APPBP2: variants seen among roughly 807,000 people sequenced by gnomAD.
APPBP2 encodes the protein amyloid protein-binding protein 2.
A neutral mutation model predicts 76.0 loss-of-function variants in APPBP2; 15 were observed. The observed-to-expected ratio is 0.20, with a 90% CI of 0.13 to 0.30. The LOEUF is 0.30. Ranked by LOEUF, APPBP2 falls within the 10% of genes least tolerant of loss-of-function variation. The probability of loss-of-function intolerance (pLI) is 1.00; values close to 1 mark genes in which losing one functional copy is unlikely to be tolerated. For synonymous variants in APPBP2, 222 were observed against 242.2 expected, an observed-to-expected ratio of 0.92 and a Z score of 0.77; for missense variants, 401 against 687.2, an observed-to-expected ratio of 0.58 and a Z score of 4.66.
chr17:60,525,653 TGCAGACACC>T, intron 1 of APPBP2, 132 bp downstream of exon 1: 1 of 1,319,136 alleles, frequency 7.6e-7, no homozygotes, highest in Non-Finnish European at 1.0e-6. Flanking sequence ...CCACTGGCAA[TGCAGACACC>T]GCACCAGACG....
intron 1 of APPBP2, chr17:60,513,409 T>C: frequency 1.5e-6 from 1 of 670,140 alleles, no homozygotes; most frequent in South Asian, 1.6e-5. Context: ...TGTGATCACC[T>C]ATCGGGATTC....
intron 5 of APPBP2, among the ~76,000 whole-genome samples, chr17:60,464,522 TTG>T (rs2090497169): frequency 6.6e-6 from 1 of 152,234 alleles, no homozygotes; most frequent in African/African-American, 2.4e-5. Context: ...TATGTCTGAA[TTG>T]TCTGTTTAGT....
rs907768496 is a variant in APPBP2 at position 60,486,580 on chromosome 17, C to T, written c.380-7309G>A. ...TCTCCATCCCTTTATTTTGAGCCTACGTGTGTCTCTGCATGTGAGATGGGT... is the reference window on the plus strand; with the variant it reads ...TCTCCATCCCTTTATTTTGAGCCTATGTGTGTCTCTGCATGTGAGATGGGT... On this transcript the variant is annotated intron_variant, in intron 3 of 12. Transcript: ENST00000083182. Among the ~76,000 whole-genome samples, 17 of 152,170 alleles carry T rather than the reference C, an allele frequency of 1.1e-4. No homozygotes were observed. The South Asian group carries it at 1.7e-3, about 15-fold the overall frequency.
chr17:60,467,846 G>C (rs2090522933), intron 4 of APPBP2, among the ~76,000 whole-genome samples: 2 of 152,080 alleles, frequency 1.3e-5, no homozygotes, highest in African/African-American at 4.8e-5. Flanking sequence ...CCCTGAGAAG[G>C]GATGGGGGGA....
intron 5 of APPBP2, chr17:60,464,638 G>C (rs970751716): frequency 1.3e-5 from 2 of 152,746 alleles, no homozygotes; most frequent in African/African-American, 2.4e-5. Flanking sequence ...AGGGGAAACA[G>C]GTGTAGAGAG....
At chr17:60,494,989 T>G (rs570879120) in intron 2 of APPBP2, among the ~76,000 whole-genome samples, 2,912 of 127,350 alleles carry the variant, frequency 0.023, 39 homozygotes, top group East Asian at 0.052. Context: ...GTTTTGTTTT[T>G]TTTTTTTTTT....
At chr17:60,467,112 T>C (rs2090516977) in intron 4 of APPBP2, among the ~76,000 whole-genome samples, 1 of 152,220 alleles carries the variant, frequency 6.6e-6, no homozygotes, top group African/African-American at 2.4e-5. Context: ...CTATATAGAC[T>C]GTACAAGATA....
rs1211399382 is a variant in APPBP2, at chr17:60,443,777, C to T, written c.*3804G>A. ...AAAAACATGTGCACTTCAACAAACT[C>T]ACTAAGGCCACTCATGCTATAGATA... On this transcript the variant is annotated 3_prime_UTR_variant, in exon 13 of 13. Transcript: ENST00000083182. The T allele has an allele frequency of 6.6e-6, 1 of 152,592 alleles. No individual in the cohort carries two copies. Among genetic ancestry groups the T allele is most frequent in the Non-Finnish European group, 1.5e-5 (1 of 68,028 alleles). The allele number at this position is 152,592 out of a possible 1,614,324, so 9.5% of individuals were successfully genotyped here.
chr17:60,507,289 T>C (rs955537482), intron 1 of APPBP2, among the ~76,000 whole-genome samples: 6 of 152,124 alleles, frequency 3.9e-5, no homozygotes, highest in Admixed American at 3.9e-4. Flanking sequence ...TGGCAAAATC[T>C]TGACTCACTT....
intron 4 of APPBP2, among the ~76,000 whole-genome samples, chr17:60,476,447 T>TA: frequency 6.6e-6 from 1 of 152,166 alleles, no homozygotes; most frequent in Middle Eastern, 3.4e-3. Flanking sequence ...CTCTCTGCCT[T>TA]AAAAAAAGGC....
intron 1 of APPBP2, among the ~76,000 whole-genome samples, chr17:60,518,048 TAAAG>T (rs2090976979): frequency 1.4e-5 from 2 of 147,642 alleles, no homozygotes; most frequent in Non-Finnish European, 3.0e-5. Flanking sequence ...AGTGTTTTTT[TAAAG>T]TGTTCTTACA....
In APPBP2 at chr17:60,518,362, T is replaced by TGC. The variant is rs1567943621; in HGVS notation, c.138+7431_138+7432insGC. ...ATGCCCAGCCGTGTGTGCGTGCGTGTGTGTGTGTGTGTGTGTGTGTGTGTG... is the reference window on the plus strand; with the variant it reads ...ATGCCCAGCCGTGTGTGCGTGCGTGTGCGTGTGTGTGTGTGTGTGTGTGTGTG... On this transcript the variant is annotated intron_variant, in intron 1 of 12. Transcript: ENST00000083182. Among the ~76,000 whole-genome samples, 11 of 61,210 alleles carry TGC rather than the reference T, an allele frequency of 1.8e-4. No homozygotes were observed. The East Asian group carries it at 2.9e-3, about 16-fold the overall frequency. 40.2% of individuals were successfully genotyped at this position (61,210 alleles called of 152,430 possible).
chr17:60,467,712 G>T (rs1232802099), intron 4 of APPBP2, among the ~76,000 whole-genome samples: 1 of 152,182 alleles, frequency 6.6e-6, no homozygotes, highest in African/African-American at 2.4e-5. Flanking sequence ...AGACAGGGAA[G>T]AATCCTCCTG....
At chr17:60,469,578 TCTA>T (rs2090537140) in intron 4 of APPBP2, among the ~76,000 whole-genome samples, 1 of 152,162 alleles carries the variant, frequency 6.6e-6, no homozygotes, top group African/African-American at 2.4e-5. Context: ...TAACCTTTAA[TCTA>T]CTTTCTGTCT....
In APPBP2 at chr17:60,447,538, C is replaced by G. The variant is rs770247882; in HGVS notation, c.*43G>C. The G allele has an allele frequency of 6.4e-7, 1 of 1,555,458 alleles. No individual in the cohort carries two copies. The highest frequency in any genetic ancestry group is 8.7e-7 in the Non-Finnish European group (1 of 1,152,670). On this transcript the variant is annotated 3_prime_UTR_variant, in exon 13 of 13. Coordinates refer to ENST00000083182, the MANE Select transcript of APPBP2 (RefSeq NM_006380.5). ...GGTTTTGATTTCACAGTATGAATTC[C>G]CTGGAATCCGGGAAAAGGTAATTGG...
At chr17:60,505,986 CT>C (rs113337317) in intron 1 of APPBP2, among the ~76,000 whole-genome samples, 3 of 146,596 alleles carry the variant, frequency 2.0e-5, no homozygotes, top group Admixed American at 6.8e-5. Flanking sequence ...CCTGGCCTTT[CT>C]TTTTTTTTTC....
intron 3 of APPBP2, among the ~76,000 whole-genome samples, chr17:60,490,640 T>C (rs950725787): frequency 2.5e-4 from 38 of 152,220 alleles, no homozygotes; most frequent in African/African-American, 8.7e-4. Flanking sequence ...GGTTTGGCTC[T>C]GTGTCCCCAC....
At chr17:60,503,675 C>T (rs1036960140) in intron 1 of APPBP2, among the ~76,000 whole-genome samples, 3 of 146,752 alleles carry the variant, frequency 2.0e-5, no homozygotes, top group Non-Finnish European at 4.4e-5. Context: ...TGTCTGCCAC[C>T]GTGCCCGGCC....
chr17:60,499,165 T>C (rs1194805953), intron 2 of APPBP2, among the ~76,000 whole-genome samples: 1 of 151,264 alleles, frequency 6.6e-6, no homozygotes, highest in Non-Finnish European at 1.5e-5. Flanking sequence ...ACCTCATCTC[T>C]ACTAAAAATA....
Sources: gnomAD v4.1 joint callset for allele counts (sites outside exome capture counted in the v4.1 genomes callset) on GRCh38, gnomAD v4.1.1 for gene constraint, MANE v1.5 for transcripts, NCBI Gene and HGNC (gene_info 2026-07-23, HGNC 2026-07-21) for gene names.